WWOX: variants seen among roughly 807,000 people sequenced by gnomAD.
WWOX encodes WW domain containing oxidoreductase, also known as WW domain-containing oxidoreductase.
In WWOX, 69 loss-of-function variants were observed where a neutral mutation model predicts 46.2. That is an observed-to-expected ratio of 1.49 (90% CI 1.23 to 1.82). The LOEUF (loss-of-function observed/expected upper bound fraction) is 1.82. Among genes scored for constraint, WWOX ranks in the 40% most tolerant of loss-of-function variants. The pLI is 0.00. For missense variants in WWOX, 919 were observed against 542.6 expected, an observed-to-expected ratio of 1.69 and a Z score of -6.89; for synonymous variants, 359 against 202.6, an observed-to-expected ratio of 1.77 and a Z score of -6.56.
chr16:78,761,026 A>C (rs2049779492), intron 8 of WWOX, among the ~76,000 whole-genome samples: 1 of 152,110 alleles, frequency 6.6e-6, no homozygotes, highest in South Asian at 2.1e-4. Context: ...CTCCCCCATG[A>C]TTCAGTTATC....
rs115698792 is a variant in WWOX, at chr16:78,885,830, C to G, written c.1057-325778C>G. Among the ~76,000 whole-genome samples the G allele has an allele frequency of 7.8e-3, 1,188 of 151,976 alleles. 16 individuals are homozygous for G. The highest frequency in any genetic ancestry group is 0.027 in the African/African-American group (1,128 of 41,446). Reference sequence around the variant, plus strand: ...CTTAAGTCTATATATTAAAGAACAGCTGGCTTACCTGCTGTATAAATATGC... The same window carrying G: ...CTTAAGTCTATATATTAAAGAACAGGTGGCTTACCTGCTGTATAAATATGC... On this transcript the variant is annotated intron_variant, in intron 8 of 8. Transcript: ENST00000566780.
intron 8 of WWOX, among the ~76,000 whole-genome samples, chr16:78,733,638 C>T (rs575519311): frequency 4.3e-4 from 65 of 151,520 alleles, no homozygotes; most frequent in African/African-American, 1.3e-3. Flanking sequence ...GCCTGTAGTT[C>T]CAGCTACTCG....
chr16:78,138,813 T>C (rs961129236), intron 4 of WWOX, among the ~76,000 whole-genome samples: 1 of 152,172 alleles, frequency 6.6e-6, no homozygotes, highest in East Asian at 1.9e-4. Context: ...ACTCCACGGA[T>C]GTGAGTGGGG....
intron 5 of WWOX, among the ~76,000 whole-genome samples, chr16:78,263,911 T>C (rs920856058): frequency 4.0e-5 from 6 of 151,340 alleles, no homozygotes; most frequent in African/African-American, 7.3e-5. Context: ...CCTTGCTGTA[T>C]TTCATCCTTT....
chr16:78,656,218 T>C (rs1454630321), intron 8 of WWOX, among the ~76,000 whole-genome samples: 1 of 152,134 alleles, frequency 6.6e-6, no homozygotes, highest in Non-Finnish European at 1.5e-5. Flanking sequence ...ATCACCTCTC[T>C]GTGCCTCAGT....
intron 7 of WWOX, among the ~76,000 whole-genome samples, chr16:78,430,917 A>G (rs11861529): frequency 0.046 from 7,075 of 152,272 alleles, 321 homozygotes; most frequent in East Asian, 0.21. Flanking sequence ...ATTAAGGAAT[A>G]ATAGGATAAT....
At chr16:78,442,827 CA>C (rs1222182853) in intron 8 of WWOX, among the ~76,000 whole-genome samples, 2 of 151,212 alleles carry the variant, frequency 1.3e-5, no homozygotes, top group East Asian at 1.9e-4. Flanking sequence ...TAAAAAGATA[CA>C]AAAAAATTGG....
intron 8 of WWOX, among the ~76,000 whole-genome samples, chr16:79,168,695 GC>G: frequency 6.6e-6 from 1 of 152,094 alleles, no homozygotes; most frequent in Non-Finnish European, 1.5e-5. Context: ...CTTTTGTGAA[GC>G]CCCTCAGGGA....
chr16:78,788,282 T>C (rs928784375), intron 8 of WWOX, among the ~76,000 whole-genome samples: 4 of 152,186 alleles, frequency 2.6e-5, no homozygotes, highest in African/African-American at 9.7e-5. Flanking sequence ...TCCTGGCTCA[T>C]AACTCTCATA....
At chr16:78,340,573 C>G (rs1178475333) in intron 5 of WWOX, among the ~76,000 whole-genome samples, 1 of 120,378 alleles carries the variant, frequency 8.3e-6, no homozygotes, top group African/African-American at 2.8e-5. Flanking sequence ...AAGTAGAATT[C>G]AAAGTTACTG....
chr16:78,613,145 A>G lies in WWOX; in HGVS notation c.1056+180393A>G, dbSNP rs565726352. On this transcript the variant is annotated intron_variant, in intron 8 of 8. Transcript: ENST00000566780. ...CCTGCTTGCTCCTCTGCTCACAATG[A>G]CAAGTGAGGACTCCCCTCCATGCCT... 1.0e-3 allele frequency among the ~76,000 whole-genome samples: 157 copies of G among 152,208 alleles called. 1 individual carries two copies. Among genetic ancestry groups the G allele is most frequent in the African/African-American group, 3.7e-3 (153 of 41,540 alleles).
chr16:78,156,603 C>G (rs950059624), intron 4 of WWOX, among the ~76,000 whole-genome samples: 3 of 152,076 alleles, frequency 2.0e-5, no homozygotes, highest in African/African-American at 7.2e-5. Context: ...GTGTAAGGCT[C>G]AAGGAGCTTA....
intron 8 of WWOX, among the ~76,000 whole-genome samples, chr16:78,871,356 C>G (rs923685126): frequency 2.0e-4 from 31 of 152,072 alleles, no homozygotes; most frequent in African/African-American, 7.5e-4. Flanking sequence ...ACTTGAGCCT[C>G]GATGCCTGGA....
chr16:79,164,255 C>A (rs9925322), intron 8 of WWOX, among the ~76,000 whole-genome samples: 3,860 of 152,298 alleles, frequency 0.025, 190 homozygotes, highest in African/African-American at 0.089. Context: ...ACCACTACCA[C>A]GCCACTTAGC....
intron 8 of WWOX, among the ~76,000 whole-genome samples, chr16:78,564,238 A>G (rs751337511): frequency 3.9e-5 from 6 of 152,234 alleles, no homozygotes; most frequent in African/African-American, 7.2e-5. Context: ...GCACAGCAAA[A>G]TTGAATGGAG....
Position 78,738,775 on chromosome 16 carries a change from C to T in WWOX, c.1056+306023C>T, listed in dbSNP as rs554559127. Among the ~76,000 whole-genome samples, 357 of 152,244 alleles carry T rather than the reference C, an allele frequency of 2.3e-3. 2 individuals carry two copies. Among genetic ancestry groups the T allele is most frequent in the African/African-American group, 8.1e-3 (338 of 41,540 alleles). The stretch of plus-strand genomic sequence containing the variant: ...TGCAGCTGGTTAGACCAGGGCTGTG[C>T]AACCCTAGAGCCATTGCCTTGACCA... On this transcript the variant is annotated intron_variant, in intron 8 of 8. Transcript: ENST00000566780.
chr16:78,761,476 T>C (rs1205023602), intron 8 of WWOX, among the ~76,000 whole-genome samples: 1 of 152,174 alleles, frequency 6.6e-6, no homozygotes, highest in Admixed American at 6.5e-5. Context: ...GAAATTTGTG[T>C]TGGCTGAAAT....
chr16:78,136,616 G>C (rs1333340040), intron 4 of WWOX, among the ~76,000 whole-genome samples: 1 of 152,214 alleles, frequency 6.6e-6, no homozygotes, highest in Non-Finnish European at 1.5e-5. Flanking sequence ...GAGGAACGTA[G>C]AGCTTTTTAC....
chr16:78,132,238 G>C (rs2033628894), intron 4 of WWOX, among the ~76,000 whole-genome samples: 1 of 151,510 alleles, frequency 6.6e-6, no homozygotes, highest in Admixed American at 6.6e-5. Flanking sequence ...GTGTTAGCAA[G>C]GATGGTCTTG....
Sources: gnomAD v4.1 joint callset for allele counts (sites outside exome capture counted in the v4.1 genomes callset) on GRCh38, gnomAD v4.1.1 for gene constraint, MANE v1.5 for transcripts, NCBI Gene and HGNC (gene_info 2026-07-23, HGNC 2026-07-21) for gene names.